Variants in NUTM2B observed in about 807,000 individuals in gnomAD.
NUTM2B encodes family with sequence similarity 22, member B.
Under a neutral mutation model 42.4 loss-of-function variants are expected in NUTM2B, and 2 were observed. The ratio of observed to expected loss-of-function variants is 0.05; its 90% CI spans 0.02 to 0.15. NUTM2B has a LOEUF of 0.15. NUTM2B is among the 10% of genes least tolerant of loss of function. The pLI, the probability that NUTM2B is intolerant of heterozygous loss-of-function variation, is 1.00. For synonymous variants in NUTM2B, 18 were observed against 402.4 expected (o/e 0.04, Z 11.43); for missense variants, 58 against 952.6 (o/e 0.06, Z 12.36).
At chr10:79,698,127 A>G in the NUTM2B span, among the ~76,000 whole-genome samples, 1 of 150,360 alleles carries the variant, frequency 6.7e-6, no homozygotes, top group Non-Finnish European at 1.5e-5. Context: ...CTACCCATGA[A>G]TACACACCTC....
chr10:79,696,246 G>A, the NUTM2B span, among the ~76,000 whole-genome samples: 37,138 of 147,964 alleles, frequency 0.25, 5,394 homozygotes, highest in East Asian at 0.69. Context: ...AGTGGTGTAA[G>A]TATCTCAGCA....
Position 79,706,088 on chromosome 10 carries a change from CCT to C in NUTM2B, c.430_431del (p.Leu144ValfsTer126). ...GCGTGACCGCGAACCCTGGCACCTCCCTGTCTGTGTTCACGGCTCTGCCCTTC... is the reference window on the plus strand; with the variant it reads ...GCGTGACCGCGAACCCTGGCACCTCCGTCTGTGTTCACGGCTCTGCCCTTC... On this transcript the variant is annotated frameshift_variant, in exon 2 of 7. Transcript: ENST00000429828. LOFTEE classifies it high-confidence loss of function. 1 of 1,589,372 alleles carries C rather than the reference CCT, an allele frequency of 6.3e-7. No individual in the cohort carries two copies.
At chr10:79,696,649 C>T in the NUTM2B span, among the ~76,000 whole-genome samples, 1 of 152,236 alleles carries the variant, frequency 6.6e-6, no homozygotes, top group Non-Finnish European at 1.5e-5. Context: ...TCCCCAAATT[C>T]GCACAAGTGC....
chr10:79,707,080 A>C, intron 2 of NUTM2B, among the ~76,000 whole-genome samples: 1 of 126,046 alleles, frequency 7.9e-6, no homozygotes, highest in Admixed American at 8.4e-5. Flanking sequence ...TACACACCCC[A>C]GTGCCTCCCC....
chr10:79,693,537 C>T, the NUTM2B span, among the ~76,000 whole-genome samples: 38 of 152,288 alleles, frequency 2.5e-4, no homozygotes, highest in African/African-American at 8.7e-4. Context: ...TGGCTCAGGC[C>T]GACCTCAGCG....
chr10:79,700,679 C>T (rs1394388250), upstream of NUTM2B, among the ~76,000 whole-genome samples: 2 of 152,060 alleles, frequency 1.3e-5, no homozygotes, highest in East Asian at 1.9e-4. Flanking sequence ...GCCATGAGAG[C>T]GAAGGCCGGT....
intron 3 of NUTM2B, among the ~76,000 whole-genome samples, 168 bp from the exon 4 acceptor site, chr10:79,709,632 C>T (rs1374233580): frequency 1.5e-5 from 2 of 132,952 alleles, no homozygotes; most frequent in African/African-American, 5.7e-5. Flanking sequence ...AGGGTGAGCC[C>T]GGAACTCTGG....
At position 79,709,421 on chromosome 10, in the gene NUTM2B, GT is replaced by G. The variant is rs1453307083; in HGVS notation, c.1212-377del. On this transcript the variant is annotated intron_variant, in intron 3 of 6. Coordinates refer to ENST00000429828, the Ensembl canonical transcript of NUTM2B. ...AGTCTCCCAGGCCTCGTGCCCCTGG[GT>G]TATCTTTCAGGGGCCCACAGTCCTA... Among the ~76,000 whole-genome samples the G allele has an allele frequency of 1.5e-5, 2 of 133,894 alleles. 1 individual carries two copies. The highest frequency in any genetic ancestry group is 5.7e-5 in the African/African-American group (2 of 34,998). The allele number at this position is 133,894 out of a possible 152,430, so 87.8% of individuals were successfully genotyped here. A position where few individuals can be genotyped will look rare whatever the true frequency, so the allele number is the denominator to read the frequency against.
chr10:79,692,669 C>A, the NUTM2B span, among the ~76,000 whole-genome samples: 1 of 152,212 alleles, frequency 6.6e-6, no homozygotes, highest in Non-Finnish European at 1.5e-5. Context: ...ACTGTCAGCA[C>A]AGCAGCTGTG....
the NUTM2B span, among the ~76,000 whole-genome samples, chr10:79,696,117 A>T: frequency 6.7e-6 from 1 of 148,304 alleles, no homozygotes; most frequent in Non-Finnish European, 1.5e-5. Flanking sequence ...TGCTTCATAC[A>T]AACATTTGCT....
chr10:79,699,190 G>A (rs866994357), upstream of NUTM2B, among the ~76,000 whole-genome samples: 8 of 151,802 alleles, frequency 5.3e-5, no homozygotes, highest in South Asian at 2.1e-4. Flanking sequence ...CAAACAGAGC[G>A]TACATCCACA....
In NUTM2B at chr10:79,706,232, TG is replaced by T. The variant is rs1840391022; in HGVS notation, c.575del (p.Gly192AlafsTer16). On this transcript the variant is annotated frameshift_variant, in exon 2 of 7. Coordinates refer to ENST00000429828, the Ensembl canonical transcript of NUTM2B. LOFTEE classifies it high-confidence loss of function. Reference sequence around the variant, plus strand: ...GCACACCTCTGGTGACAGAACAGGATGGCTGCGGCCCGAGTGGGGCCGGGGC... The same window carrying T: ...GCACACCTCTGGTGACAGAACAGGATGCTGCGGCCCGAGTGGGGCCGGGGC... The T allele has an allele frequency of 6.2e-7, 1 of 1,611,838 alleles. No individual in the cohort carries two copies. Among genetic ancestry groups the T allele is most frequent in the Admixed American group, 1.7e-5 (1 of 60,010 alleles).
chr10:79,700,737 C>A (rs1214689190), upstream of NUTM2B, among the ~76,000 whole-genome samples: 1 of 152,358 alleles, frequency 6.6e-6, no homozygotes, highest in African/African-American at 2.4e-5. Context: ...TGCCATCAAC[C>A]GCCGCAACCG....
At chr10:79,700,867 G>A (rs979915499), upstream of NUTM2B, among the ~76,000 whole-genome samples, 1 of 152,216 alleles carries the variant, frequency 6.6e-6, no homozygotes, top group Non-Finnish European at 1.5e-5. Context: ...CTGGAGATGT[G>A]GAAATGGAGG....
rs566829966 is a variant in NUTM2B at position 79,707,237 on chromosome 10, C to T, written c.1082+496C>T. ...TGGAGCCTGCATAGGGGGATGGTCT[C>T]GGGCCCTGCACTGGGGCCGATGCCG... On this transcript the variant is annotated intron_variant, in intron 2 of 6. Transcript: ENST00000429828. Among the ~76,000 whole-genome samples, 86 of 132,584 alleles carry T rather than the reference C, an allele frequency of 6.5e-4. 3 individuals are homozygous for T. Among genetic ancestry groups the T allele is most frequent in the African/African-American group, 2.4e-3 (83 of 34,692 alleles). The allele number at this position is 132,584 out of a possible 152,430, so 87.0% of individuals were successfully genotyped here.
chr10:79,692,916 A>T, the NUTM2B span, among the ~76,000 whole-genome samples: 1 of 149,736 alleles, frequency 6.7e-6, no homozygotes, highest in Non-Finnish European at 1.5e-5. Flanking sequence ...AGAAGGACAT[A>T]GACCACTGAG....
At chr10:79,700,095 T>G (rs2132235328), upstream of NUTM2B, among the ~76,000 whole-genome samples, 1 of 152,280 alleles carries the variant, frequency 6.6e-6, no homozygotes, top group East Asian at 1.9e-4. Flanking sequence ...TTTTCTTGAC[T>G]TTGGCCACAC....
chr10:79,701,237 T>C (rs1014699090), upstream of NUTM2B, among the ~76,000 whole-genome samples: 59 of 152,320 alleles, frequency 3.9e-4, no homozygotes, highest in Non-Finnish European at 7.8e-4. Context: ...CAAAATATAC[T>C]TTCTTCTGAC....
chr10:79,695,817 T>A, the NUTM2B span, among the ~76,000 whole-genome samples: 2 of 151,562 alleles, frequency 1.3e-5, no homozygotes, highest in African/African-American at 4.8e-5. Context: ...GTGTTCTGTC[T>A]ACCAGGCCCA....
Sources: gnomAD v4.1 joint callset for allele counts (sites outside exome capture counted in the v4.1 genomes callset) on GRCh38, gnomAD v4.1.1 for gene constraint, MANE v1.5 for transcripts, NCBI Gene and HGNC (gene_info 2026-07-23, HGNC 2026-07-21) for gene names.